HNMT: variants seen among roughly 807,000 people sequenced by gnomAD.
The protein encoded by HNMT is histamine N-methyltransferase.
HNMT carries 30 observed loss-of-function variants against 32.1 expected under a neutral mutation model. The ratio of observed to expected loss-of-function variants is 0.93; its 90% CI spans 0.70 to 1.27. The LOEUF is 1.27. Among genes scored for constraint, HNMT ranks in the 50% most tolerant of loss-of-function variants. HNMT has a pLI of 0.00. For missense variants in HNMT, 327 were observed against 346.0 expected (o/e 0.95, Z 0.43); for synonymous variants, 125 against 119.0 (o/e 1.05, Z -0.33).
At chr2:138,005,571 G>T (rs6719205) in intron 5 of HNMT, among the ~76,000 whole-genome samples, 2,357 of 152,052 alleles carry the variant, frequency 0.016, 52 homozygotes, top group African/African-American at 0.054. Flanking sequence ...CGTGTCATTT[G>T]AGTGTTTCTT....
intron 2 of HNMT, among the ~76,000 whole-genome samples, chr2:137,997,621 C>G (rs1383768848): frequency 6.6e-6 from 1 of 152,140 alleles, no homozygotes; most frequent in Non-Finnish European, 1.5e-5. Flanking sequence ...ATGGAGATTC[C>G]TCAAGAATTT....
intron 2 of HNMT, among the ~76,000 whole-genome samples, chr2:138,000,133 T>A (rs1573671205): frequency 6.6e-6 from 1 of 152,150 alleles, no homozygotes; most frequent in African/African-American, 2.4e-5. Flanking sequence ...TGCTAGTAGT[T>A]CCAAATATAC....
At chr2:138,013,608 C>G (rs1681576092) in intron 5 of HNMT, among the ~76,000 whole-genome samples, 167 bp from the exon 6 acceptor site, 1 of 152,144 alleles carries the variant, frequency 6.6e-6, no homozygotes, top group Non-Finnish European at 1.5e-5. Flanking sequence ...GCATTTATCA[C>G]CATATATTTA....
At chr2:137,986,065 G>T (rs114289817) in intron 2 of HNMT, among the ~76,000 whole-genome samples, 24 of 151,912 alleles carry the variant, frequency 1.6e-4, no homozygotes, top group African/African-American at 4.8e-4. Context: ...GGTAATTAGC[G>T]TAGAGAGGTT....
chr2:137,984,813 G>T (rs551853682), intron 2 of HNMT, among the ~76,000 whole-genome samples: 1 of 152,184 alleles, frequency 6.6e-6, no homozygotes, highest in African/African-American at 2.4e-5. Flanking sequence ...GTTACCATAT[G>T]ATGTAAGGAG....
At chr2:137,969,772 G>A (rs1426129918) in intron 1 of HNMT, among the ~76,000 whole-genome samples, 1 of 152,106 alleles carries the variant, frequency 6.6e-6, no homozygotes, top group Non-Finnish European at 1.5e-5. Context: ...GTTAAAAAAA[G>A]GGGGAGGAAA....
intron 2 of HNMT, among the ~76,000 whole-genome samples, chr2:137,972,001 A>G (rs764620185): frequency 2.0e-5 from 3 of 152,228 alleles, no homozygotes; most frequent in Non-Finnish European, 4.4e-5. Context: ...CCTCTTAAGT[A>G]TAAGTGTTCT....
At chr2:137,987,863 C>G (rs934028065) in intron 2 of HNMT, among the ~76,000 whole-genome samples, 1 of 152,134 alleles carries the variant, frequency 6.6e-6, no homozygotes, top group South Asian at 2.1e-4. Flanking sequence ...GTTGCCAACT[C>G]CAGTCAATTG....
chr2:137,976,282 A>C (rs1487761686), intron 2 of HNMT, among the ~76,000 whole-genome samples: 18 of 1,936 alleles, frequency 9.3e-3, no homozygotes, highest in Admixed American at 9.4e-3. Flanking sequence ...ACAAAAAACA[A>C]AAAAAAAAAA....
chr2:138,005,160 C>G lies in HNMT; in HGVS notation c.458C>G (p.Ala153Gly). Reference sequence around the variant, plus strand: ...CTGTATTATGTAAAAGACATCCCAGCTACCCTGAAATTCTTCCATAGTCTC... The same window carrying G: ...CTGTATTATGTAAAAGACATCCCAGGTACCCTGAAATTCTTCCATAGTCTC... ...QMLYYVKDIP[A>G]TLKFFHSLLG... is the part of the protein sequence containing the mutation. The change falls in exon 5 of 6, where the codon GCT becomes GGT. Residue 153 changes from alanine (A) to glycine (G), a missense_variant. Coordinates refer to ENST00000280097, the MANE Select transcript of HNMT (RefSeq NM_006895.3). The G allele has an allele frequency of 6.3e-7, 1 of 1,597,372 alleles. No homozygotes were observed. Among genetic ancestry groups the G allele is most frequent in the Non-Finnish European group, 8.6e-7 (1 of 1,165,306 alleles).
At chr2:137,966,965 G>C in intron 1 of HNMT, 1 of 685,838 alleles carries the variant, frequency 1.5e-6, no homozygotes, top group Non-Finnish European at 2.6e-6. Context: ...GTGAACGAGA[G>C]GTAAACTTTT....
At chr2:138,008,311 A>G (rs1204496251) in intron 5 of HNMT, among the ~76,000 whole-genome samples, 2 of 152,066 alleles carry the variant, frequency 1.3e-5, no homozygotes, top group Admixed American at 1.3e-4. Context: ...CCCAGAAAAG[A>G]CATGATCTCT....
chr2:137,997,167 A>G (rs900950160), intron 2 of HNMT, among the ~76,000 whole-genome samples: 3 of 152,240 alleles, frequency 2.0e-5, no homozygotes, highest in Non-Finnish European at 4.4e-5. Flanking sequence ...GCCAACATTT[A>G]CAAATGGGAT....
intron 5 of HNMT, among the ~76,000 whole-genome samples, chr2:138,006,353 G>T (rs1046750326): frequency 1.1e-4 from 17 of 152,024 alleles, no homozygotes; most frequent in African/African-American, 3.9e-4. Flanking sequence ...TACAGAAAAA[G>T]TATTGTAGAC....
chr2:137,984,706 T>G (rs1216400717), intron 2 of HNMT, among the ~76,000 whole-genome samples: 1 of 152,246 alleles, frequency 6.6e-6, no homozygotes, highest in Non-Finnish European at 1.5e-5. Flanking sequence ...ATTAACTATA[T>G]TAATCAGTTG....
intron 2 of HNMT, among the ~76,000 whole-genome samples, chr2:137,990,007 G>A (rs1011636260): frequency 6.6e-6 from 1 of 152,024 alleles, no homozygotes; most frequent in African/African-American, 2.4e-5. Context: ...TATCAGATAT[G>A]CTCTTTTCAA....
At chr2:138,007,841 G>T (rs765769750) in intron 5 of HNMT, among the ~76,000 whole-genome samples, 1 of 151,772 alleles carries the variant, frequency 6.6e-6, no homozygotes. Flanking sequence ...TAGCATTAAG[G>T]TCCCACCGTG....
chr2:138,005,120 C>G lies in HNMT; in HGVS notation c.430-12C>G. ...ACAGAAGCAGCTCATTTCTCTTTTT[C>G]CTCCTTTCTAGATGCTGTATTATGT... On this transcript the variant is annotated splice_polypyrimidine_tract_variant and intron_variant, in intron 4 of 5. Coordinates refer to ENST00000280097, the MANE Select transcript of HNMT (RefSeq NM_006895.3). 1 of 1,438,992 alleles carries G rather than the reference C, an allele frequency of 6.9e-7. No homozygotes were observed. The allele number at this position is 1,438,992 out of a possible 1,614,324, so 89.1% of individuals were successfully genotyped here.
intron 4 of HNMT, 69 bp from the exon 5 acceptor site, chr2:138,005,063 G>T: frequency 1.2e-6 from 1 of 815,804 alleles, no homozygotes; most frequent in Admixed American, 2.1e-5. Flanking sequence ...CTTTCTAGGA[G>T]TATCTAGCCC....
Sources: gnomAD v4.1 joint callset for allele counts (sites outside exome capture counted in the v4.1 genomes callset) on GRCh38, gnomAD v4.1.1 for gene constraint, MANE v1.5 for transcripts, NCBI Gene and HGNC (gene_info 2026-07-23, HGNC 2026-07-21) for gene names.